Variants in DNAAF9 observed in about 807,000 individuals in gnomAD.
The protein encoded by DNAAF9 is shulin.
In DNAAF9, 90 loss-of-function variants were observed where a neutral mutation model predicts 167.0. The ratio of observed to expected loss-of-function variants is 0.54; its 90% CI spans 0.45 to 0.64. The LOEUF is 0.64. Among genes scored for constraint, DNAAF9 ranks in the 30% least tolerant of loss-of-function variants. The probability of loss-of-function intolerance (pLI) is 0.00; values close to 1 mark genes in which losing one functional copy is unlikely to be tolerated. For missense variants in DNAAF9, 1,315 were observed against 1,442.2 expected (o/e 0.91, Z 1.43); for synonymous variants, 491 against 508.8 (o/e 0.96, Z 0.47).
chr20:3,379,393 A>G (rs2083617094), intron 3 of DNAAF9, among the ~76,000 whole-genome samples: 1 of 152,104 alleles, frequency 6.6e-6, no homozygotes, highest in Admixed American at 6.6e-5. Context: ...GCGGAGTTCA[A>G]GACCAGCCTG....
At chr20:3,311,589 G>A (rs1600759922) in intron 20 of DNAAF9, among the ~76,000 whole-genome samples, 2 of 152,046 alleles carry the variant, frequency 1.3e-5, no homozygotes, top group East Asian at 3.8e-4. Context: ...GAGTCAAAAT[G>A]ATACTGCATG....
intron 33 of DNAAF9, among the ~76,000 whole-genome samples, chr20:3,258,741 G>T (rs1333408334): frequency 2.0e-5 from 3 of 152,074 alleles, no homozygotes; most frequent in Non-Finnish European, 4.4e-5. Flanking sequence ...TGCTGCTTGA[G>T]CGCCTCACTT....
chr20:3,353,490 T>C (rs1250680746), intron 7 of DNAAF9, among the ~76,000 whole-genome samples: 6 of 151,858 alleles, frequency 4.0e-5, no homozygotes, highest in Non-Finnish European at 8.8e-5. Flanking sequence ...TAGCCAGGTG[T>C]GGTGGCAAGT....
chr20:3,296,157 T>C, intron 23 of DNAAF9: 1 of 601,600 alleles, frequency 1.7e-6, no homozygotes, highest in South Asian at 1.4e-5. Flanking sequence ...GCAACCTCTG[T>C]AGTCCCACCT....
intron 21 of DNAAF9, among the ~76,000 whole-genome samples, 174 bp from the exon 22 acceptor site, chr20:3,298,349 AT>A (rs369801663): frequency 4.7e-5 from 7 of 150,448 alleles, no homozygotes; most frequent in East Asian, 3.9e-4. Context: ...AAATAAAAGG[AT>A]TTTTTTTTTG....
intron 12 of DNAAF9, among the ~76,000 whole-genome samples, chr20:3,329,280 G>A (rs2069776349): frequency 6.6e-6 from 1 of 152,134 alleles, no homozygotes; most frequent in Non-Finnish European, 1.5e-5. Context: ...TGATCCTCCT[G>A]CCTCAGCCTC....
chr20:3,287,691 G>T lies in DNAAF9; in HGVS notation c.2427C>A (p.Arg809=), dbSNP rs2068876587. 6.2e-7 allele frequency: 1 copy of T among 1,614,138 alleles called. No homozygotes were observed. Among genetic ancestry groups the T allele is most frequent in the South Asian group, 1.1e-5 (1 of 91,094 alleles). Residue 809 remains arginine (R), a synonymous_variant, in exon 27 of 37, where the codon CGC becomes CGA. Coordinates refer to ENST00000252032, the MANE Select transcript of DNAAF9 (RefSeq NM_001009984.3). Reference sequence around the variant, plus strand: ...GGATGTAGGCTGACTGGCGCGCAGAGCGGTTCTGCTGGGCCTCTAGGGCAC... The same window carrying T: ...GGATGTAGGCTGACTGGCGCGCAGATCGGTTCTGCTGGGCCTCTAGGGCAC... ...LSSALEAQQN[R]SARQSAYIRK...
At chr20:3,262,095 A>G (rs917929103) in intron 31 of DNAAF9, among the ~76,000 whole-genome samples, 1 of 152,088 alleles carries the variant, frequency 6.6e-6, no homozygotes. Flanking sequence ...TATAGAGATG[A>G]GTAGGAGACT....
At chr20:3,289,938 G>A (rs1424398279) in intron 26 of DNAAF9, among the ~76,000 whole-genome samples, 191 bp downstream of exon 26, 1 of 152,106 alleles carries the variant, frequency 6.6e-6, no homozygotes, top group African/African-American at 2.4e-5. Context: ...TATGTTCATC[G>A]ATGTATTCTC....
intron 6 of DNAAF9, among the ~76,000 whole-genome samples, chr20:3,373,531 G>A (rs996228562): frequency 1.3e-5 from 2 of 152,190 alleles, no homozygotes; most frequent in African/African-American, 4.8e-5. Context: ...TACCAAAAAA[G>A]CTAATCTTTC....
At chr20:3,322,523 G>C in intron 15 of DNAAF9, 129 bp downstream of exon 15, 1 of 833,856 alleles carries the variant, frequency 1.2e-6, no homozygotes, top group Non-Finnish European at 2.1e-6. Context: ...GCCAGCCCAA[G>C]CCCAACCCTG....
chr20:3,382,400 G>A (rs763771982), intron 2 of DNAAF9, 27 bp downstream of exon 2: 4 of 1,586,912 alleles, frequency 2.5e-6, no homozygotes, highest in Non-Finnish European at 2.6e-6. Flanking sequence ...CCCAAGCCCT[G>A]AGTCCCACCT....
chr20:3,314,582 C>A (rs577527779), intron 20 of DNAAF9, among the ~76,000 whole-genome samples: 2 of 152,152 alleles, frequency 1.3e-5, no homozygotes, highest in African/African-American at 4.8e-5. Context: ...AAGAGCCTAG[C>A]CTGGCTGATG....
intron 6 of DNAAF9, among the ~76,000 whole-genome samples, chr20:3,360,509 A>G (rs1259044441): frequency 2.0e-5 from 3 of 152,184 alleles, no homozygotes; most frequent in African/African-American, 7.2e-5. Context: ...TACACAATGA[A>G]TTGCTTTTAT....
intron 12 of DNAAF9, among the ~76,000 whole-genome samples, chr20:3,328,183 GT>G (rs754972652): frequency 0.017 from 2,233 of 131,900 alleles, 59 homozygotes; most frequent in African/African-American, 0.06. Flanking sequence ...GCATGGCTCT[GT>G]TTTTTTTTTT....
chr20:3,407,103 A>C (rs550716537), intron 1 of DNAAF9, among the ~76,000 whole-genome samples: 1 of 152,258 alleles, frequency 6.6e-6, no homozygotes, highest in East Asian at 1.9e-4. Context: ...AGTTATTCAT[A>C]GGGAAGCCTC....
At chr20:3,284,135 C>T (rs1367419462) in intron 27 of DNAAF9, among the ~76,000 whole-genome samples, 2 of 151,536 alleles carry the variant, frequency 1.3e-5, no homozygotes, top group Non-Finnish European at 2.9e-5. Context: ...AGAGCACCCC[C>T]TACCCAGAAG....
chr20:3,258,467 C>A (rs950824012), intron 33 of DNAAF9, among the ~76,000 whole-genome samples: 4 of 152,136 alleles, frequency 2.6e-5, no homozygotes, highest in Admixed American at 6.6e-5. Context: ...AATACCAATA[C>A]CCCATGGGTG....
chr20:3,370,765 C>G (rs116961657), intron 6 of DNAAF9, among the ~76,000 whole-genome samples: 9,467 of 152,234 alleles, frequency 0.062, 378 homozygotes, highest in Non-Finnish European at 0.082. Context: ...GAACTCCTGG[C>G]TTCACGCGAT....
Sources: gnomAD v4.1 joint callset for allele counts (sites outside exome capture counted in the v4.1 genomes callset) on GRCh38, gnomAD v4.1.1 for gene constraint, MANE v1.5 for transcripts, NCBI Gene and HGNC (gene_info 2026-07-23, HGNC 2026-07-21) for gene names.